SCARA3: variants seen among roughly 807,000 people sequenced by gnomAD.
SCARA3 encodes the protein scavenger receptor class A member 3.
SCARA3 carries 39 observed loss-of-function variants against 47.0 expected under a neutral mutation model. The ratio of observed to expected loss-of-function variants is 0.83; its 90% confidence interval spans 0.64 to 1.08. The LOEUF (loss-of-function observed/expected upper bound fraction) is 1.08. Ranked by LOEUF, SCARA3 falls within the 50% of genes least tolerant of loss-of-function variation. The pLI, the probability that SCARA3 is intolerant of heterozygous loss-of-function variation, is 0.00. For missense variants in SCARA3, 724 were observed against 792.3 expected, an observed-to-expected ratio of 0.91 and a Z score of 1.04; for synonymous variants, 356 against 334.1, an observed-to-expected ratio of 1.07 and a Z score of -0.71.
the SCARA3 span, among the ~76,000 whole-genome samples, chr8:27,714,084 A>G: frequency 2.0e-5 from 3 of 151,732 alleles, no homozygotes; most frequent in Non-Finnish European, 4.4e-5. Context: ...AAGCTTCCTG[A>G]GGCCTCCTCC....
the SCARA3 span, among the ~76,000 whole-genome samples, chr8:27,720,037 A>C: frequency 6.6e-6 from 1 of 152,182 alleles, no homozygotes; most frequent in Non-Finnish European, 1.5e-5. Flanking sequence ...CTAAGTCTTC[A>C]AGGACAAACA....
chr8:27,651,830 C>G (rs1801640677), intron 3 of SCARA3, among the ~76,000 whole-genome samples: 1 of 152,218 alleles, frequency 6.6e-6, no homozygotes, highest in Non-Finnish European at 1.5e-5. Context: ...AAGGAAGGCA[C>G]CTGCCTCTGG....
chr8:27,634,698 C>A (rs1237577267), intron 1 of SCARA3, among the ~76,000 whole-genome samples: 1 of 152,160 alleles, frequency 6.6e-6, no homozygotes, highest in Non-Finnish European at 1.5e-5. Flanking sequence ...TCAGCCCAGG[C>A]CCTGCCCTTC....
rs1801845068 is a variant in SCARA3 at position 27,659,488 on chromosome 8, G to T, written c.1318G>T (p.Ala440Ser). ...NLSMIVEEMK[A>S]VDTQHGEILR... ...CTCCATGATCGTGGAGGAGATGAAG[G>T]CAGTGGACACACAGCATGGAGAAAT... The change falls in exon 5 of 6, where the codon GCA becomes TCA. Residue 440 changes from alanine (A) to serine (S), a missense_variant. By Grantham distance (99) the Ala-to-Ser change is moderately conservative. Transcript: ENST00000301904. 1.2e-6 allele frequency: 2 copies of T among 1,613,810 alleles called. No individual in the cohort carries two copies. The highest frequency in any genetic ancestry group is 1.3e-5 in the African/African-American group (1 of 74,920).
downstream of SCARA3, among the ~76,000 whole-genome samples, chr8:27,674,582 G>A (rs780871076): frequency 6.6e-5 from 10 of 152,136 alleles, no homozygotes; most frequent in Non-Finnish European, 1.5e-4. Context: ...AGGCGATGAA[G>A]TCTGAACCCA....
Position 27,671,085 on chromosome 8 carries a change from C to G in SCARA3, c.1555C>G (p.Pro519Ala), listed in dbSNP as rs753996343. Residue 519 changes from proline to alanine, a missense_variant, in exon 6 of 6, where the codon CCA (proline) becomes GCA (alanine). By Grantham distance (27) the Pro-to-Ala change is conservative (BLOSUM62 -1). Coordinates refer to ENST00000301904, the MANE Select transcript of SCARA3 (RefSeq NM_016240.3). ...ERGPVGPRGF[P>A]GLKGSKGSFG... ...GGGCCCTGTTGGCCCTCGAGGGTTC[C>G]CAGGCCTCAAAGGCTCAAAGGGCAG... The G allele has an allele frequency of 1.2e-6, 2 of 1,609,530 alleles. No homozygotes were observed. Among genetic ancestry groups the G allele is most frequent in the South Asian group, 2.2e-5 (2 of 90,846 alleles).
chr8:27,714,006 C>T, the SCARA3 span, among the ~76,000 whole-genome samples: 376 of 152,130 alleles, frequency 2.5e-3, 2 homozygotes, highest in African/African-American at 8.6e-3. Flanking sequence ...TTCCCCTCTT[C>T]ACTCTCTCTT....
downstream of SCARA3, among the ~76,000 whole-genome samples, chr8:27,677,273 GTCTTA>G (rs1354392759): frequency 5.9e-5 from 9 of 152,220 alleles, no homozygotes; most frequent in African/African-American, 2.2e-4. Context: ...CAGAGCCATA[GTCTTA>G]TGGGAAGAAG....
rs552228102 is a variant in SCARA3, at chr8:27,671,768, GCA to G, written c.*426_*427del. 2.2e-5 allele frequency: 22 copies of G among 999,152 alleles called. No individual in the cohort carries two copies. Among genetic ancestry groups the G allele is most frequent in the Admixed American group, 1.2e-4 (2 of 16,608 alleles). 61.9% of individuals were successfully genotyped at this position (999,152 alleles called of 1,614,324 possible). On this transcript the variant is annotated 3_prime_UTR_variant, in exon 6 of 6. Coordinates refer to ENST00000301904, the MANE Select transcript of SCARA3 (RefSeq NM_016240.3). Reference sequence around the variant, plus strand: ...TATATGCACAGGCACACACATGTACGCACACACACATGCACTGCACACATATC... The same window carrying G: ...TATATGCACAGGCACACACATGTACGCACACACATGCACTGCACACATATC...
chr8:27,634,146 C>T lies in SCARA3; in HGVS notation c.-55C>T. 1.4e-6 allele frequency: 2 copies of T among 1,455,846 alleles called. No individual in the cohort carries two copies. The highest frequency in any genetic ancestry group is 1.8e-6 in the Non-Finnish European group (2 of 1,109,770). The allele number at this position is 1,455,846 out of a possible 1,614,324, so 90.2% of individuals were successfully genotyped here. On this transcript the variant is annotated 5_prime_UTR_variant, in exon 1 of 6. Transcript: ENST00000301904. ...AGGATCCGCCGGCCGCCCGGCTCCA[C>T]TACAGCTCCAGCCGCCTGCAGCGGG...
At position 27,646,979 on chromosome 8, in the gene SCARA3, C is replaced by CA. The variant is rs1426194660; in HGVS notation, c.8-2723_8-2722insA. ...GCACCCCTGACCGCCCCCGCCCCCC[C>CA]CCCGCACACACACACTATTGCCCCG... On this transcript the variant is annotated intron_variant, in intron 1 of 5. Transcript: ENST00000301904. Among the ~76,000 whole-genome samples the CA allele has an allele frequency of 8.0e-4, 91 of 114,042 alleles. 10 individuals carry two copies. Among genetic ancestry groups the CA allele is most frequent in the Middle Eastern group, 3.8e-3 (1 of 266 alleles). The allele number at this position is 114,042 out of a possible 152,430, so 74.8% of individuals were successfully genotyped here. A position where few individuals can be genotyped will look rare whatever the true frequency, so the allele number is the denominator to read the frequency against.
In SCARA3 at chr8:27,658,723, C is replaced by T. The variant is rs770043608; in HGVS notation, c.553C>T (p.Leu185=). 3 of 1,614,050 alleles carry T rather than the reference C, an allele frequency of 1.9e-6. No individual in the cohort carries two copies. The African/African-American group carries it at 4.0e-5, about 22-fold the overall frequency. The change falls in exon 5 of 6, where the codon CTG becomes TTG. Residue 185 remains leucine, a synonymous_variant. Coordinates refer to ENST00000301904, the MANE Select transcript of SCARA3 (RefSeq NM_016240.3). Reference sequence around the variant, plus strand: ...CTCCATCCACCAGGTTAACCAGTCTCTGGGGCTCTTCCTGGCCCAGGTGAG... The same window carrying T: ...CTCCATCCACCAGGTTAACCAGTCTTTGGGGCTCTTCCTGGCCCAGGTGAG... The part of the protein sequence containing the change: ...SFSIHQVNQS[L]GLFLAQVRGW...
chr8:27,638,187 A>C (rs1001578404), intron 1 of SCARA3, among the ~76,000 whole-genome samples: 1 of 152,160 alleles, frequency 6.6e-6, no homozygotes. Context: ...AGGTTGATGG[A>C]TAGCTTGGCA....
chr8:27,650,818 G>T (rs1371218919), intron 2 of SCARA3, among the ~76,000 whole-genome samples: 1 of 152,202 alleles, frequency 6.6e-6, no homozygotes, highest in Non-Finnish European at 1.5e-5. Context: ...TGAAAAGTTT[G>T]GGGACTGGTA....
At chr8:27,721,662 G>A in the SCARA3 span, among the ~76,000 whole-genome samples, 299 of 152,268 alleles carry the variant, frequency 2.0e-3, 1 homozygote, top group Non-Finnish European at 3.4e-3. Flanking sequence ...GAACACCCAG[G>A]ACCCTGGAAC....
At chr8:27,636,337 C>G (rs1302050657) in intron 1 of SCARA3, among the ~76,000 whole-genome samples, 2 of 152,016 alleles carry the variant, frequency 1.3e-5, no homozygotes, top group Non-Finnish European at 2.9e-5. Context: ...CTCCGGAGCC[C>G]GAGGAGGGAG....
In SCARA3 at chr8:27,652,674, G is replaced by A. The variant is rs34702682; in HGVS notation, c.226+1047G>A. 7.7e-4 allele frequency among the ~76,000 whole-genome samples: 117 copies of A among 152,300 alleles called. 2 individuals are homozygous for A. In the East Asian group the frequency reaches 0.02, roughly 26 times the overall value. On this transcript the variant is annotated intron_variant, in intron 3 of 5. Coordinates refer to ENST00000301904, the MANE Select transcript of SCARA3 (RefSeq NM_016240.3). ...ACAAGTCGTCTTCCAGTAATCCGAA[G>A]GCATTAATTAATCCAACAAAAGCCG... is the stretch of plus-strand genomic sequence containing the variant.
the SCARA3 span, among the ~76,000 whole-genome samples, chr8:27,682,371 A>C: frequency 6.6e-6 from 1 of 152,212 alleles, no homozygotes; most frequent in Non-Finnish European, 1.5e-5. Flanking sequence ...AAGTTTTCTT[A>C]GCTAAAACAA....
chr8:27,654,871 G>A (rs890727901), intron 3 of SCARA3, among the ~76,000 whole-genome samples: 1 of 152,150 alleles, frequency 6.6e-6, no homozygotes, highest in Admixed American at 6.5e-5. Flanking sequence ...AGCCTCGGCT[G>A]TTGGCTTGGA....
Sources: gnomAD v4.1 joint callset for allele counts (sites outside exome capture counted in the v4.1 genomes callset) on GRCh38, gnomAD v4.1.1 for gene constraint, MANE v1.5 for transcripts, NCBI Gene and HGNC (gene_info 2026-07-23, HGNC 2026-07-21) for gene names.